Variants in SLC1A2 observed in about 807,000 individuals in gnomAD.
The protein encoded by SLC1A2 is solute carrier family 1 member 2, also known as excitatory amino acid transporter 2.
A neutral mutation model predicts 48.8 loss-of-function variants in SLC1A2; 15 were observed. The observed-to-expected ratio is 0.31, with a 90% CI of 0.21 to 0.47. SLC1A2 has a LOEUF of 0.47. SLC1A2 is among the 20% of genes least tolerant of loss of function. The probability of loss-of-function intolerance (pLI) is 0.99; values close to 1 mark genes in which losing one functional copy is unlikely to be tolerated. For missense variants in SLC1A2, 502 were observed against 730.5 expected (o/e 0.69, Z 3.61); for synonymous variants, 279 against 272.6 (o/e 1.02, Z -0.23).
chr11:35,279,357 T>C (rs767661729), intron 9 of SLC1A2, among the ~76,000 whole-genome samples: 13 of 152,248 alleles, frequency 8.5e-5, no homozygotes, highest in Non-Finnish European at 1.3e-4. Context: ...GTATTCTACA[T>C]GAGGAAAATG....
chr11:35,355,647 G>A (rs949845697), intron 1 of SLC1A2, among the ~76,000 whole-genome samples: 9 of 152,218 alleles, frequency 5.9e-5, no homozygotes, highest in African/African-American at 1.9e-4. Flanking sequence ...CACTTTGGGA[G>A]ACTGAGGTAG....
At chr11:35,349,742 A>T (rs1853173921) in intron 1 of SLC1A2, among the ~76,000 whole-genome samples, 1 of 152,212 alleles carries the variant, frequency 6.6e-6, no homozygotes, top group Non-Finnish European at 1.5e-5. Flanking sequence ...TTAGATTCCC[A>T]GTATGTCTCC....
intron 1 of SLC1A2, among the ~76,000 whole-genome samples, chr11:35,394,908 C>T (rs565127299): frequency 1.3e-5 from 2 of 152,330 alleles, no homozygotes; most frequent in South Asian, 2.1e-4. Context: ...AAAAGCATTT[C>T]TCTCCTTGGT....
chr11:35,299,271 G>C (rs751987714), intron 6 of SLC1A2: 2 of 152,258 alleles, frequency 1.3e-5, no homozygotes, highest in African/African-American at 2.4e-5. Flanking sequence ...CCCGGGAGGC[G>C]GAGGTTGCAG....
At chr11:35,408,220 C>T (rs867859303) in intron 1 of SLC1A2, among the ~76,000 whole-genome samples, 6 of 152,166 alleles carry the variant, frequency 3.9e-5, no homozygotes, top group Admixed American at 6.5e-5. Context: ...CATTTCTATA[C>T]CTTAATTCAG....
intron 2 of SLC1A2, chr11:35,315,828 G>GAA (rs35277432): frequency 1.4e-5 from 2 of 146,872 alleles, no homozygotes; most frequent in African/African-American, 5.0e-5. Context: ...AAGAAAGAAA[G>GAA]AAAAAGAAAA....
intron 1 of SLC1A2, among the ~76,000 whole-genome samples, chr11:35,410,336 G>A (rs1855421877): frequency 6.6e-6 from 1 of 152,136 alleles, no homozygotes; most frequent in African/African-American, 2.4e-5. Flanking sequence ...GTCAATTGCT[G>A]TCAACTATAG....
At position 35,254,535 on chromosome 11, in the gene SLC1A2, G is replaced by A. The variant is rs1047524041; in HGVS notation, c.*6359C>T. The A allele has an allele frequency of 6.8e-5, 20 of 295,762 alleles. No homozygotes were observed. Among genetic ancestry groups the A allele is most frequent in the Admixed American group, 6.3e-4 (13 of 20,504 alleles). 18.3% of individuals were successfully genotyped at this position (295,762 alleles called of 1,614,324 possible). On this transcript the variant is annotated 3_prime_UTR_variant, in exon 11 of 11. Coordinates refer to ENST00000278379, the MANE Select transcript of SLC1A2 (RefSeq NM_004171.4). ...GTGTGTGTATTTGCCCCCTAGCAAA[G>A]GCAACAGGCTGTTTCCAGGCAGGCA... is the stretch of plus-strand genomic sequence containing the variant.
At chr11:35,376,785 C>G (rs1854247424) in intron 1 of SLC1A2, among the ~76,000 whole-genome samples, 1 of 152,144 alleles carries the variant, frequency 6.6e-6, no homozygotes, top group South Asian at 2.1e-4. Context: ...AAAACAAAAA[C>G]CAGATTACTT....
rs138991776 is a variant in SLC1A2, at chr11:35,260,044, C to T, written c.*850G>A. 6.6e-6 allele frequency: 1 copy of T among 152,338 alleles called. No individual in the cohort carries two copies. The highest frequency in any genetic ancestry group is 2.4e-5 in the African/African-American group (1 of 41,574). 9.4% of individuals were successfully genotyped at this position (152,338 alleles called of 1,614,324 possible). On this transcript the variant is annotated 3_prime_UTR_variant, in exon 11 of 11. Coordinates refer to ENST00000278379, the MANE Select transcript of SLC1A2 (RefSeq NM_004171.4). ...CAAATAATCTCATTTGATTTTACTA[C>T]ACCAGGTGAAGGCAAACCGAACATA... is the stretch of plus-strand genomic sequence containing the variant.
chr11:35,348,982 G>A (rs1393099751), intron 1 of SLC1A2, among the ~76,000 whole-genome samples: 2 of 151,994 alleles, frequency 1.3e-5, no homozygotes, highest in East Asian at 1.9e-4. Flanking sequence ...GAGTTTGGAA[G>A]GCTATAGGTA....
chr11:35,287,756 A>G (rs1214256310), intron 7 of SLC1A2, among the ~76,000 whole-genome samples: 2 of 152,238 alleles, frequency 1.3e-5, no homozygotes, highest in African/African-American at 4.8e-5. Flanking sequence ...TTGGAGACCA[A>G]TAAACAGTAA....
At chr11:35,387,960 C>G (rs1462301315) in intron 1 of SLC1A2, among the ~76,000 whole-genome samples, 1 of 152,206 alleles carries the variant, frequency 6.6e-6, no homozygotes, top group African/African-American at 2.4e-5. Flanking sequence ...TGCAACTAAT[C>G]GTTACTACAA....
At chr11:35,337,641 C>T (rs971715391) in intron 1 of SLC1A2, among the ~76,000 whole-genome samples, 2 of 152,162 alleles carry the variant, frequency 1.3e-5, no homozygotes, top group African/African-American at 2.4e-5. Context: ...TGTAAACAGA[C>T]TCTACCTATA....
chr11:35,386,689 T>G (rs1426511680), intron 1 of SLC1A2, among the ~76,000 whole-genome samples: 2 of 152,356 alleles, frequency 1.3e-5, no homozygotes, highest in South Asian at 2.1e-4. Context: ...AAGCAATAGC[T>G]AACATACTAA....
At chr11:35,365,642 C>G (rs1428011649) in intron 1 of SLC1A2, among the ~76,000 whole-genome samples, 1 of 152,140 alleles carries the variant, frequency 6.6e-6, no homozygotes, top group Non-Finnish European at 1.5e-5. Flanking sequence ...CAGCCTGCAA[C>G]AAAAGTGATG....
intron 1 of SLC1A2, among the ~76,000 whole-genome samples, chr11:35,334,997 A>T (rs1275480993): frequency 6.6e-6 from 1 of 152,172 alleles, no homozygotes. Context: ...ACAGCTGGGA[A>T]TCACACCTTG....
At chr11:35,364,085 T>A (rs1847759708) in intron 1 of SLC1A2, among the ~76,000 whole-genome samples, 2 of 152,182 alleles carry the variant, frequency 1.3e-5, no homozygotes, top group South Asian at 4.1e-4. Context: ...GAACAGAGTC[T>A]GCTTGCTCTG....
At chr11:35,372,071 C>T (rs185702281) in intron 1 of SLC1A2, among the ~76,000 whole-genome samples, 1 of 152,300 alleles carries the variant, frequency 6.6e-6, no homozygotes, top group African/African-American at 2.4e-5. Context: ...CTGCAACTAC[C>T]AAAAGGGGTG....
Sources: allele counts gnomAD v4.1 joint callset (sites outside exome capture counted in the v4.1 genomes callset), GRCh38; gene constraint gnomAD v4.1.1; transcripts MANE v1.5; gene names NCBI Gene and HGNC (gene_info 2026-07-23, HGNC 2026-07-21).